PLXDC2: variants seen among roughly 807,000 people sequenced by gnomAD.
The protein encoded by PLXDC2 is plexin domain containing 2.
PLXDC2 carries 40 observed loss-of-function variants against 68.9 expected under a neutral mutation model. The ratio of observed to expected loss-of-function variants is 0.58; its 90% CI spans 0.45 to 0.76. The LOEUF (loss-of-function observed/expected upper bound fraction) is 0.76. PLXDC2 is among the 30% of genes least tolerant of loss of function. PLXDC2 has a pLI of 0.00. For synonymous variants in PLXDC2, 243 were observed against 234.2 expected, an observed-to-expected ratio of 1.04 and a Z score of -0.34; for missense variants, 644 against 661.9, an observed-to-expected ratio of 0.97 and a Z score of 0.30.
intron 12 of PLXDC2, among the ~76,000 whole-genome samples, chr10:20,225,381 T>G (rs1835272163): frequency 6.6e-6 from 1 of 152,290 alleles, no homozygotes; most frequent in Middle Eastern, 3.4e-3. Flanking sequence ...TTGATTTTTT[T>G]TGTACACTTC....
At position 20,250,138 on chromosome 10, in the gene PLXDC2, C is replaced by T. The variant is rs561282808; in HGVS notation, c.1473+4633C>T. On this transcript the variant is annotated intron_variant, in intron 13 of 13. Coordinates refer to ENST00000377252, the MANE Select transcript of PLXDC2 (RefSeq NM_032812.9). The stretch of plus-strand genomic sequence containing the variant: ...CAAAAATTAGCCAGGCATGGTGGTA[C>T]GTGCCTGTAATCCCAGGTACTCGGG... Among the ~76,000 whole-genome samples the T allele has an allele frequency of 4.6e-5, 7 of 151,930 alleles. No homozygotes were observed. The South Asian group carries it at 1.5e-3, about 32-fold the overall frequency.
At chr10:20,082,220 A>T (rs1413175895) in intron 4 of PLXDC2, among the ~76,000 whole-genome samples, 1 of 151,902 alleles carries the variant, frequency 6.6e-6, no homozygotes, top group Non-Finnish European at 1.5e-5. Context: ...TTAGTTAATA[A>T]TTCAGCTAAT....
chr10:20,207,154 G>A (rs1304403033), intron 9 of PLXDC2, among the ~76,000 whole-genome samples: 2 of 151,988 alleles, frequency 1.3e-5, no homozygotes, highest in Admixed American at 6.6e-5. Context: ...CACTTGTTTT[G>A]CCATTCTCAG....
At chr10:20,156,468 T>C (rs1173717800) in intron 6 of PLXDC2, among the ~76,000 whole-genome samples, 1 of 152,240 alleles carries the variant, frequency 6.6e-6, no homozygotes, top group African/African-American at 2.4e-5. Flanking sequence ...CTTGCAAATA[T>C]TGCCTGGAAA....
Position 19,816,931 on chromosome 10 carries a change from T to TA in PLXDC2, c.-148dup. Reference sequence around the variant, plus strand: ...TCGCTTCTTCCTCTTCTCGGTTCCCTACTGTGAAATCGCAGCGACATTTAC... The same window carrying TA: ...TCGCTTCTTCCTCTTCTCGGTTCCCTAACTGTGAAATCGCAGCGACATTTAC... On this transcript the variant is annotated 5_prime_UTR_variant, in exon 1 of 14. Transcript: ENST00000377252. The TA allele has an allele frequency of 3.2e-6, 2 of 619,432 alleles. No homozygotes were observed. The highest frequency in any genetic ancestry group is 3.9e-5 in the South Asian group (2 of 51,476). The allele number at this position is 619,432 out of a possible 1,614,324, so 38.4% of individuals were successfully genotyped here.
intron 6 of PLXDC2, among the ~76,000 whole-genome samples, chr10:20,149,224 C>CTTT (rs1554770079): frequency 5.0e-5 from 1 of 20,076 alleles, no homozygotes; most frequent in Non-Finnish European, 1.1e-4. Flanking sequence ...CTTTTTTTTT[C>CTTT]TTTTCTTTTT....
intron 1 of PLXDC2, among the ~76,000 whole-genome samples, chr10:19,992,949 G>A (rs575685735): frequency 5.3e-5 from 8 of 152,052 alleles, no homozygotes; most frequent in African/African-American, 1.4e-4. Context: ...TCCTCTGAAC[G>A]ATTAATCAGA....
intron 2 of PLXDC2, among the ~76,000 whole-genome samples, chr10:20,016,450 G>T (rs1835212550): frequency 6.6e-6 from 1 of 152,222 alleles, no homozygotes; most frequent in African/African-American, 2.4e-5. Flanking sequence ...GAATAGTGAA[G>T]TAGAATATGT....
intron 12 of PLXDC2, among the ~76,000 whole-genome samples, chr10:20,226,660 G>C (rs1386035427): frequency 6.6e-6 from 1 of 152,178 alleles, no homozygotes; most frequent in East Asian, 1.9e-4. Context: ...TGTAGTTAGA[G>C]TTTATGCTGC....
At chr10:20,012,770 C>T (rs976113023) in intron 2 of PLXDC2, among the ~76,000 whole-genome samples, 2 of 152,038 alleles carry the variant, frequency 1.3e-5, no homozygotes, top group African/African-American at 2.4e-5. Flanking sequence ...AAGATGGTAA[C>T]GTTTAGAATG....
At chr10:19,901,144 C>T (rs1380379658) in intron 1 of PLXDC2, among the ~76,000 whole-genome samples, 2 of 151,880 alleles carry the variant, frequency 1.3e-5, no homozygotes, top group South Asian at 2.1e-4. Context: ...CATGTGTGTG[C>T]CAGTATCTTT....
intron 4 of PLXDC2, among the ~76,000 whole-genome samples, chr10:20,090,712 T>C (rs1025957675): frequency 6.6e-6 from 1 of 152,208 alleles, no homozygotes; most frequent in Admixed American, 6.5e-5. Context: ...ATTAATGTTG[T>C]ACACGACTTG....
chr10:20,234,871 A>G (rs926424671), intron 12 of PLXDC2, among the ~76,000 whole-genome samples: 1 of 152,120 alleles, frequency 6.6e-6, no homozygotes, highest in Non-Finnish European at 1.5e-5. Flanking sequence ...CTAAATGAAT[A>G]TCTCCAGCAA....
At chr10:20,150,425 T>G (rs1834137464) in intron 6 of PLXDC2, among the ~76,000 whole-genome samples, 1 of 152,172 alleles carries the variant, frequency 6.6e-6, no homozygotes, top group South Asian at 2.1e-4. Context: ...GTTCAGCTAC[T>G]GGGGAAAGCA....
intron 6 of PLXDC2, among the ~76,000 whole-genome samples, chr10:20,162,924 A>AAG (rs1834325034): frequency 6.6e-6 from 1 of 150,942 alleles, no homozygotes. Flanking sequence ...AAAAAAAAAA[A>AAG]AAAAAATCCA....
At position 20,237,119 on chromosome 10, in the gene PLXDC2, G is replaced by A. The variant is rs189541526; in HGVS notation, c.1313-8226G>A. On this transcript the variant is annotated intron_variant, in intron 12 of 13. Transcript: ENST00000377252. ...TAGGACAGACTGTAAAAGGAAAGCT[G>A]CCCTTGCCAGATATTGGTCTCACCA... 2.0e-5 allele frequency among the ~76,000 whole-genome samples: 3 copies of A among 151,992 alleles called. No homozygotes were observed. The East Asian group carries it at 5.8e-4, about 29-fold the overall frequency.
intron 1 of PLXDC2, among the ~76,000 whole-genome samples, chr10:19,955,766 T>C (rs928911658): frequency 6.6e-6 from 1 of 152,200 alleles, no homozygotes; most frequent in Non-Finnish European, 1.5e-5. Context: ...TGACCTGTCA[T>C]GGCACTTCAT....
rs751939976 is a variant in PLXDC2, at chr10:19,817,145, G to C, written c.66G>C (p.Thr22=). The C allele has an allele frequency of 4.9e-5, 78 of 1,576,472 alleles. No homozygotes were observed. Among genetic ancestry groups the C allele is most frequent in the Non-Finnish European group, 6.0e-5 (69 of 1,157,936 alleles). The change falls in exon 1 of 14, where the codon ACG becomes ACC. Residue 22 remains threonine, a synonymous_variant. Transcript: ENST00000377252. ...AGVMLLCHFF[T]DQFQFADGKP... ...TTATGTTACTTTGCCACTTCTTCAC[G>C]GACCAGTTTCAGTTCGCCGATGGGA...
chr10:20,026,808 C>A (rs1223040848), intron 2 of PLXDC2, among the ~76,000 whole-genome samples: 5 of 147,484 alleles, frequency 3.4e-5, no homozygotes, highest in Non-Finnish European at 7.4e-5. Context: ...ATATAATATA[C>A]CTTTATAATA....
Sources: gnomAD v4.1 joint callset for allele counts (sites outside exome capture counted in the v4.1 genomes callset) on GRCh38, gnomAD v4.1.1 for gene constraint, MANE v1.5 for transcripts, NCBI Gene and HGNC (gene_info 2026-07-23, HGNC 2026-07-21) for gene names.